RNF2: variants seen among roughly 807,000 people sequenced by gnomAD.
The protein encoded by RNF2 is E3 ubiquitin-protein ligase RING2.
RNF2 carries 6 observed loss-of-function variants against 37.2 expected under a neutral mutation model. The observed-to-expected ratio is 0.16, with a 90% confidence interval of 0.09 to 0.32. The LOEUF (loss-of-function observed/expected upper bound fraction) is 0.32. Among genes scored for constraint, RNF2 ranks in the 10% least tolerant of loss-of-function variants. The probability of loss-of-function intolerance (pLI) is 1.00; values close to 1 mark genes in which losing one functional copy is unlikely to be tolerated. For synonymous variants in RNF2, 133 were observed against 132.7 expected, an observed-to-expected ratio of 1.00 and a Z score of -0.02; for missense variants, 251 against 404.0, an observed-to-expected ratio of 0.62 and a Z score of 3.25.
intron 1 of RNF2, among the ~76,000 whole-genome samples, chr1:185,072,743 A>T (rs930553830): frequency 1.3e-5 from 2 of 152,132 alleles, no homozygotes; most frequent in Non-Finnish European, 2.9e-5. Context: ...GATCGAGACC[A>T]TCCTGGCTAA....
intron 3 of RNF2, 70 bp from the exon 4 acceptor site, chr1:185,092,991 C>G (rs1651812824): frequency 7.8e-7 from 1 of 1,284,634 alleles, no homozygotes; most frequent in Non-Finnish European, 1.1e-6. Flanking sequence ...TATCCAGAAG[C>G]TGGGTATTTT....
intron 1 of RNF2, among the ~76,000 whole-genome samples, chr1:185,078,736 C>A (rs375317772): frequency 1.3e-5 from 2 of 152,106 alleles, no homozygotes; most frequent in African/African-American, 4.8e-5. Context: ...ATGGTGAAAC[C>A]CCATCTCTAC....
chr1:185,072,233 C>G (rs1464787007), intron 1 of RNF2, among the ~76,000 whole-genome samples: 4 of 152,012 alleles, frequency 2.6e-5, no homozygotes, highest in Non-Finnish European at 5.9e-5. Context: ...AATATCTGGA[C>G]TCTCATGTTG....
chr1:185,048,809 C>A (rs1459968772), intron 1 of RNF2, among the ~76,000 whole-genome samples: 1 of 151,970 alleles, frequency 6.6e-6, no homozygotes, highest in African/African-American at 2.4e-5. Context: ...GAAGGCAGAA[C>A]AACATACCAA....
chr1:185,052,367 C>G (rs1650296616), intron 1 of RNF2, among the ~76,000 whole-genome samples: 1 of 152,160 alleles, frequency 6.6e-6, no homozygotes, highest in Non-Finnish European at 1.5e-5. Context: ...TATAAACTTA[C>G]AGTGGAATAT....
intron 1 of RNF2, among the ~76,000 whole-genome samples, chr1:185,052,946 C>T (rs1370293510): frequency 1.3e-5 from 2 of 152,168 alleles, no homozygotes; most frequent in African/African-American, 4.8e-5. Context: ...GTTATAGGTA[C>T]TTTACATCTA....
chr1:185,051,809 CAT>C (rs564503315), intron 1 of RNF2, among the ~76,000 whole-genome samples: 20 of 148,930 alleles, frequency 1.3e-4, no homozygotes, highest in Non-Finnish European at 2.7e-4. Context: ...CCAATTTTTA[CAT>C]ATATATACAC....
At chr1:185,090,570 ATT>A (rs1651738306) in intron 2 of RNF2, among the ~76,000 whole-genome samples, 1 of 152,156 alleles carries the variant, frequency 6.6e-6, no homozygotes, top group African/African-American at 2.4e-5. Flanking sequence ...TAGTTTCTAT[ATT>A]TTTCTTTGTG....
intron 2 of RNF2, among the ~76,000 whole-genome samples, chr1:185,090,710 A>G (rs886389008): frequency 1.3e-5 from 2 of 152,216 alleles, no homozygotes; most frequent in African/African-American, 4.8e-5. Context: ...TTCTCGCCAT[A>G]CTAGAACTCT....
chr1:185,097,902 A>AT (rs1352546062), intron 4 of RNF2, among the ~76,000 whole-genome samples, 170 bp from the exon 5 acceptor site: 4 of 152,234 alleles, frequency 2.6e-5, no homozygotes, highest in African/African-American at 4.8e-5. Flanking sequence ...AGCAAGAGAG[A>AT]TTTTTTAGAC....
chr1:185,072,058 GTCA>G (rs1202633713), intron 1 of RNF2: 1 of 152,638 alleles, frequency 6.6e-6, no homozygotes, highest in African/African-American at 2.4e-5. Flanking sequence ...AGGGGTTGCT[GTCA>G]TCATGGGAGG....
chr1:185,065,194 A>G (rs1026476778), intron 1 of RNF2, among the ~76,000 whole-genome samples: 1 of 152,166 alleles, frequency 6.6e-6, no homozygotes, highest in South Asian at 2.1e-4. Flanking sequence ...AAAGGATTGT[A>G]AATGCACCAG....
intron 1 of RNF2, among the ~76,000 whole-genome samples, chr1:185,059,900 A>G (rs1650550479): frequency 6.6e-6 from 1 of 152,120 alleles, no homozygotes; most frequent in Admixed American, 6.5e-5. Context: ...CATCTTTCTG[A>G]ATCTGATTAT....
At chr1:185,082,345 C>CTTTTTTTTTTTGTTTTTTT (rs1651444193) in intron 1 of RNF2, among the ~76,000 whole-genome samples, 1 of 72,000 alleles carries the variant, frequency 1.4e-5, no homozygotes, top group Non-Finnish European at 2.9e-5. Context: ...CTCTGCAGAA[C>CTTTTTTTTTTTGTTTTTTT]TTTTTTTTTT....
intron 1 of RNF2, among the ~76,000 whole-genome samples, chr1:185,084,411 A>G (rs1286375485): frequency 1.3e-5 from 2 of 152,226 alleles, no homozygotes; most frequent in Non-Finnish European, 2.9e-5. Flanking sequence ...AGAGAAGAAC[A>G]AAAGGAATAT....
rs933266644 is a variant in RNF2, at chr1:185,085,773, C to T, written c.-2-1779C>T. ...GGTTCAAGCGATTCTCCTACCTCAT[C>T]CTCCCGCATAGCTGGGATTACAGAC... On this transcript the variant is annotated intron_variant, in intron 1 of 6. Coordinates refer to ENST00000367510, the MANE Select transcript of RNF2 (RefSeq NM_007212.4). 2.0e-5 allele frequency among the ~76,000 whole-genome samples: 3 copies of T among 152,148 alleles called. No individual in the cohort carries two copies. The East Asian group carries it at 5.8e-4, about 29-fold the overall frequency.
intron 1 of RNF2, among the ~76,000 whole-genome samples, chr1:185,050,473 C>T (rs1480548939): frequency 6.6e-6 from 1 of 152,170 alleles, no homozygotes; most frequent in Non-Finnish European, 1.5e-5. Flanking sequence ...GTCTCAATTT[C>T]GTCACATAAT....
intron 6 of RNF2, 24 bp from the exon 7 acceptor site, chr1:185,100,175 AT>A: frequency 6.5e-7 from 1 of 1,527,224 alleles, no homozygotes. Context: ...AGTTTTCATA[AT>A]TTTTTCTTTC....
rs182692392 is a variant in RNF2, at chr1:185,092,027, G to T, written c.248+288G>T. The T allele has an allele frequency of 1.1e-3, 244 of 231,472 alleles. 5 individuals carry two copies. In the Admixed American group the frequency reaches 0.013, roughly 13 times the overall value. 14.3% of individuals were successfully genotyped at this position (231,472 alleles called of 1,614,324 possible). ...TTTAGTAGAGACGGGGTTTCAACTTGTTGGCCAGGTTTCAGCATATTGAAC... is the reference window on the plus strand; with the variant it reads ...TTTAGTAGAGACGGGGTTTCAACTTTTTGGCCAGGTTTCAGCATATTGAAC... On this transcript the variant is annotated intron_variant, in intron 3 of 6. Transcript: ENST00000367510.
Sources: gnomAD v4.1 joint callset for allele counts (sites outside exome capture counted in the v4.1 genomes callset) on GRCh38, gnomAD v4.1.1 for gene constraint, MANE v1.5 for transcripts, NCBI Gene and HGNC (gene_info 2026-07-23, HGNC 2026-07-21) for gene names.